The following MYRIP variants were observed in gnomAD, a reference collection of about 807,000 sequenced individuals.
The protein encoded by MYRIP is myosin VIIA and Rab interacting protein, also known as rab effector MyRIP.
A neutral mutation model predicts 98.0 loss-of-function variants in MYRIP; 49 were observed. The observed-to-expected ratio is 0.50, with a 90% confidence interval of 0.40 to 0.63. The LOEUF (loss-of-function observed/expected upper bound fraction) is 0.63, where lower values mean the gene tolerates loss of function less well. MYRIP is among the 30% of genes least tolerant of loss of function. The pLI is 0.00. For synonymous variants in MYRIP, 404 were observed against 409.5 expected, an observed-to-expected ratio of 0.99 and a Z score of 0.16; for missense variants, 1,004 against 1,058.2, an observed-to-expected ratio of 0.95 and a Z score of 0.71.
intron 2 of MYRIP, among the ~76,000 whole-genome samples, chr3:39,946,036 C>T (rs1314036853): frequency 6.6e-6 from 1 of 151,624 alleles, no homozygotes; most frequent in African/African-American, 2.4e-5. Flanking sequence ...CTACATATTA[C>T]TTCTGAATAA....
chr3:39,848,616 A>G (rs1942041659), intron 1 of MYRIP, among the ~76,000 whole-genome samples: 1 of 152,256 alleles, frequency 6.6e-6, no homozygotes, highest in Non-Finnish European at 1.5e-5. Context: ...AAGCTACTTA[A>G]GAGCTCTCAT....
At chr3:40,117,647 G>T (rs1368944272) in intron 3 of MYRIP, among the ~76,000 whole-genome samples, 3 of 152,176 alleles carry the variant, frequency 2.0e-5, no homozygotes, top group Admixed American at 6.5e-5. Context: ...GTCCATCAGT[G>T]TAGAGGCAGA....
At chr3:40,055,834 C>T (rs1464987144) in intron 3 of MYRIP, among the ~76,000 whole-genome samples, 1 of 152,138 alleles carries the variant, frequency 6.6e-6, no homozygotes, top group African/African-American at 2.4e-5. Context: ...CAAGGGTAAG[C>T]TGAGAGCCCC....
chr3:39,850,357 C>G (rs1942095224), intron 1 of MYRIP, among the ~76,000 whole-genome samples: 1 of 152,162 alleles, frequency 6.6e-6, no homozygotes, highest in African/African-American at 2.4e-5. Flanking sequence ...GAGCTTTATT[C>G]TAAAAGTGAA....
chr3:39,966,299 C>G (rs905803192), intron 2 of MYRIP, among the ~76,000 whole-genome samples: 42 of 152,248 alleles, frequency 2.8e-4, no homozygotes, highest in African/African-American at 9.4e-4. Context: ...ACCAAGAACA[C>G]TGAAGATATT....
rs1465703806 is a variant in MYRIP, at chr3:39,830,926, C to G, written c.-31+21010C>G. 2.0e-5 allele frequency among the ~76,000 whole-genome samples: 3 copies of G among 152,184 alleles called. No individual in the cohort carries two copies. In the East Asian group the frequency reaches 5.8e-4, roughly 29 times the overall value. ...AAACCCATCCCTGCAGATTGCCAGC[C>G]CAGTTTCATCAACTTCACCGGAAAC... On this transcript the variant is annotated intron_variant, in intron 1 of 16. Transcript: ENST00000302541.
intron 2 of MYRIP, among the ~76,000 whole-genome samples, chr3:39,905,382 T>C (rs925828195): frequency 6.6e-6 from 1 of 152,238 alleles, no homozygotes; most frequent in African/African-American, 2.4e-5. Context: ...TTTTCTGCTC[T>C]GAAATTGGGG....
At chr3:40,090,616 T>C (rs976459962) in intron 3 of MYRIP, among the ~76,000 whole-genome samples, 5 of 152,248 alleles carry the variant, frequency 3.3e-5, no homozygotes, top group Non-Finnish European at 7.3e-5. Flanking sequence ...CTAACTCAGA[T>C]GAACAGCTTC....
At chr3:40,115,196 C>T (rs185146607) in intron 3 of MYRIP, among the ~76,000 whole-genome samples, 261 of 152,230 alleles carry the variant, frequency 1.7e-3, no homozygotes, top group Middle Eastern at 3.4e-3. Context: ...AGACAAATGT[C>T]TCATTCCTAC....
intron 12 of MYRIP, among the ~76,000 whole-genome samples, chr3:40,239,333 G>T (rs891707704): frequency 6.6e-6 from 1 of 150,708 alleles, no homozygotes; most frequent in African/African-American, 2.5e-5. Flanking sequence ...TTGGTTCCAA[G>T]TCCTTGCTAT....
chr3:39,968,985 T>C (rs1945509948), intron 2 of MYRIP, among the ~76,000 whole-genome samples: 2 of 152,322 alleles, frequency 1.3e-5, no homozygotes, highest in South Asian at 4.1e-4. Context: ...TTTGTTTCCA[T>C]CTTCTCTGAC....
At chr3:40,103,374 G>A (rs1310592190) in intron 3 of MYRIP, among the ~76,000 whole-genome samples, 1 of 152,224 alleles carries the variant, frequency 6.6e-6, no homozygotes, top group African/African-American at 2.4e-5. Context: ...CAGAACGCCT[G>A]TGAACTTCAT....
At chr3:40,200,362 C>T (rs984164766) in intron 10 of MYRIP, among the ~76,000 whole-genome samples, 7 of 151,884 alleles carry the variant, frequency 4.6e-5, no homozygotes, top group South Asian at 4.2e-4. Context: ...ACATGGGGCA[C>T]GGGTTGAATA....
rs545569879 is a variant in MYRIP, at chr3:39,852,930, G to A, written c.-31+43014G>A. 4.6e-5 allele frequency among the ~76,000 whole-genome samples: 7 copies of A among 152,198 alleles called. No homozygotes were observed. In the South Asian group the frequency reaches 6.2e-4, roughly 14 times the overall value. ...ATAGTAGCTGGGATTACAGGCATGC[G>A]CCACCACACCTGGCTAATTTTTTAT... On this transcript the variant is annotated intron_variant, in intron 1 of 16. Coordinates refer to ENST00000302541, the MANE Select transcript of MYRIP (RefSeq NM_015460.4).
chr3:40,145,723 C>A (rs1224509400), intron 3 of MYRIP, among the ~76,000 whole-genome samples: 2 of 152,156 alleles, frequency 1.3e-5, no homozygotes, highest in Non-Finnish European at 2.9e-5. Flanking sequence ...GTTTAGCTGG[C>A]AGCATATCCA....
chr3:40,211,845 C>T (rs1457955555), intron 11 of MYRIP, among the ~76,000 whole-genome samples: 2 of 151,978 alleles, frequency 1.3e-5, no homozygotes, highest in South Asian at 2.1e-4. Flanking sequence ...ACGCTATTCT[C>T]CCCTGGGCAG....
At chr3:40,117,225 T>C (rs1169900452) in intron 3 of MYRIP, among the ~76,000 whole-genome samples, 3 of 152,190 alleles carry the variant, frequency 2.0e-5, no homozygotes, top group East Asian at 1.9e-4. Flanking sequence ...GAAGATATCA[T>C]ACACCGGTTA....
At chr3:39,874,753 T>C (rs1942928618) in intron 1 of MYRIP, among the ~76,000 whole-genome samples, 1 of 152,346 alleles carries the variant, frequency 6.6e-6, no homozygotes, top group African/African-American at 2.4e-5. Context: ...CAGTATTTTA[T>C]TGAGGATTTT....
chr3:40,130,077 C>T (rs540539903), intron 3 of MYRIP, among the ~76,000 whole-genome samples: 9 of 152,190 alleles, frequency 5.9e-5, no homozygotes, highest in African/African-American at 1.4e-4. Flanking sequence ...CTTTGATTCA[C>T]GCAGCTTTCT....
Sources: allele counts gnomAD v4.1 joint callset (sites outside exome capture counted in the v4.1 genomes callset), GRCh38; gene constraint gnomAD v4.1.1; transcripts MANE v1.5; gene names NCBI Gene and HGNC (gene_info 2026-07-23, HGNC 2026-07-21).